RIMS1: variants seen among roughly 807,000 people sequenced by gnomAD.
RIMS1 encodes regulating synaptic membrane exocytosis 1.
Under a neutral mutation model 214.1 loss-of-function variants are expected in RIMS1, and 83 were observed. The observed-to-expected ratio is 0.39, with a 90% confidence interval of 0.32 to 0.47. RIMS1 has a LOEUF of 0.47. Ranked by LOEUF, RIMS1 falls within the 20% of genes least tolerant of loss-of-function variation. The pLI, the probability that RIMS1 is intolerant of heterozygous loss-of-function variation, is 0.99. For missense variants in RIMS1, 2,050 were observed against 2,161.8 expected (o/e 0.95, Z 1.03); for synonymous variants, 793 against 786.8 (o/e 1.01, Z -0.13).
At chr6:72,355,725 G>A (rs1005078461) in intron 29 of RIMS1, among the ~76,000 whole-genome samples, 1 of 151,996 alleles carries the variant, frequency 6.6e-6, no homozygotes, top group Non-Finnish European at 1.5e-5. Context: ...GTTTCCCAGT[G>A]GTTTATTGCT....
At chr6:72,352,507 C>T (rs1482680914) in intron 29 of RIMS1, among the ~76,000 whole-genome samples, 2 of 152,088 alleles carry the variant, frequency 1.3e-5, no homozygotes, top group Admixed American at 6.6e-5. Flanking sequence ...TATTAGCTAA[C>T]GTAATTCTAG....
At chr6:72,293,059 A>G (rs1027960818) in intron 26 of RIMS1, among the ~76,000 whole-genome samples, 3 of 152,036 alleles carry the variant, frequency 2.0e-5, no homozygotes, top group African/African-American at 7.2e-5. Flanking sequence ...CAGAAGGTAA[A>G]TGCATTGTTT....
At chr6:71,903,961 A>G (rs886736467) in intron 1 of RIMS1, among the ~76,000 whole-genome samples, 3 of 152,176 alleles carry the variant, frequency 2.0e-5, no homozygotes, top group Non-Finnish European at 4.4e-5. Flanking sequence ...ATAAATTGGC[A>G]TTCTTCCAAC....
At chr6:72,059,733 C>T (rs187056725) in intron 2 of RIMS1, among the ~76,000 whole-genome samples, 84 of 152,236 alleles carry the variant, frequency 5.5e-4, no homozygotes, top group Non-Finnish European at 1.0e-3. Context: ...AAACTGACAG[C>T]CCGTGAACTG....
chr6:71,910,204 G>T (rs532461986), intron 1 of RIMS1, among the ~76,000 whole-genome samples: 20 of 152,160 alleles, frequency 1.3e-4, no homozygotes, highest in Non-Finnish European at 2.1e-4. Context: ...TTAACGTAAT[G>T]TCTGTTAGAT....
intron 6 of RIMS1, among the ~76,000 whole-genome samples, chr6:72,185,192 A>G (rs533638928): frequency 1.3e-5 from 2 of 152,306 alleles, no homozygotes; most frequent in Admixed American, 1.3e-4. Context: ...GGCTCATTTG[A>G]CATAGTACTG....
At chr6:72,334,572 A>G (rs1344227097) in intron 29 of RIMS1, among the ~76,000 whole-genome samples, 2 of 151,944 alleles carry the variant, frequency 1.3e-5, no homozygotes, top group Non-Finnish European at 2.9e-5. Flanking sequence ...ACTATGCTCA[A>G]TACTATGTAA....
intron 26 of RIMS1, among the ~76,000 whole-genome samples, chr6:72,304,913 G>A (rs1409854141): frequency 6.6e-6 from 1 of 151,822 alleles, no homozygotes; most frequent in Non-Finnish European, 1.5e-5. Flanking sequence ...TGAGAGTCAG[G>A]GGAGTCTACT....
chr6:72,218,977 A>G (rs1291986538), intron 6 of RIMS1, among the ~76,000 whole-genome samples: 3 of 152,210 alleles, frequency 2.0e-5, no homozygotes, highest in African/African-American at 7.2e-5. Flanking sequence ...TTCAAGGAGA[A>G]TAGATATTTT....
Position 71,986,805 on chromosome 6 carries a change from G to C in RIMS1, c.245+17742G>C, listed in dbSNP as rs1195056859. 2.6e-5 allele frequency among the ~76,000 whole-genome samples: 4 copies of C among 152,242 alleles called. No homozygotes were observed. In the East Asian group the frequency reaches 7.7e-4, roughly 29 times the overall value. On this transcript the variant is annotated intron_variant, in intron 2 of 33. Transcript: ENST00000521978. ...CATTAGAATGAATATCAATCAGTTG[G>C]AATGGGCAATAGCCCAAGGGTGCTG...
chr6:72,193,352 C>T (rs2050360905), intron 6 of RIMS1, among the ~76,000 whole-genome samples: 1 of 152,180 alleles, frequency 6.6e-6, no homozygotes, highest in Admixed American at 6.5e-5. Flanking sequence ...ATAAAGACAA[C>T]CTGGTTCCTC....
chr6:72,125,767 A>G (rs12663497), intron 4 of RIMS1, among the ~76,000 whole-genome samples: 55,590 of 151,950 alleles, frequency 0.37, 11,134 homozygotes, highest in Non-Finnish European at 0.46. Context: ...AGTGAGCAAG[A>G]CTCTGTGGAC....
Position 72,182,645 on chromosome 6 carries a change from G to C in RIMS1, c.1174G>C (p.Asp392His), listed in dbSNP as rs766056557. Reference protein sequence around the residue: ...SRARHERRHSDVALPRTEAGA... With the variant: ...SRARHERRHSHVALPRTEAGA... ...CGCCAGGCACGAGCGGCGCCACAGC[G>C]ACGTGGCGCTCCCGCGCACCGAGGC... is the stretch of plus-strand genomic sequence containing the variant. The change falls in exon 6 of 34, where the codon GAC becomes CAC. Residue 392 changes from aspartate (D) to histidine (H), a missense_variant. Coordinates refer to ENST00000521978, the MANE Select transcript of RIMS1 (RefSeq NM_014989.7). 6.5e-7 allele frequency: 1 copy of C among 1,532,028 alleles called. No individual in the cohort carries two copies. The highest frequency in any genetic ancestry group is 1.2e-5 in the South Asian group (1 of 82,074). The allele number at this position is 1,532,028 out of a possible 1,614,324, so 94.9% of individuals were successfully genotyped here.
chr6:72,320,859 G>C (rs542617468), intron 28 of RIMS1, among the ~76,000 whole-genome samples: 3 of 151,718 alleles, frequency 2.0e-5, no homozygotes, highest in African/African-American at 7.2e-5. Flanking sequence ...TACTACTCTT[G>C]ATATATGTTC....
intron 19 of RIMS1, chr6:72,262,762 TATTTC>T: frequency 1.4e-6 from 1 of 737,310 alleles, no homozygotes; most frequent in Non-Finnish European, 1.7e-6. Context: ...GGACACTTAT[TATTTC>T]TATAACTATC....
chr6:72,325,664 A>G (rs1488422532), intron 28 of RIMS1, among the ~76,000 whole-genome samples: 1 of 151,858 alleles, frequency 6.6e-6, no homozygotes, highest in Non-Finnish European at 1.5e-5. Context: ...CAAAATGTGC[A>G]TAAGCCCTCA....
rs549055850 is a variant in RIMS1 at position 72,400,849 on chromosome 6, T to C, written c.*135T>C. The C allele has an allele frequency of 1.2e-4, 76 of 658,400 alleles. No individual in the cohort carries two copies. The highest frequency in any genetic ancestry group is 8.5e-4 in the Middle Eastern group (2 of 2,346). The allele number at this position is 658,400 out of a possible 1,614,324, so 40.8% of individuals were successfully genotyped here. A position where few individuals can be genotyped will look rare whatever the true frequency, so the allele number is the denominator to read the frequency against. On this transcript the variant is annotated 3_prime_UTR_variant, in exon 34 of 34. Coordinates refer to ENST00000521978, the MANE Select transcript of RIMS1 (RefSeq NM_014989.7). ...TTTGCCTGTAGTAGTTTTTCAATAA[T>C]ATGTCCCAATTGTTATTTAAAACAT...
At chr6:72,376,880 T>C (rs995405892) in intron 29 of RIMS1, among the ~76,000 whole-genome samples, 1 of 152,200 alleles carries the variant, frequency 6.6e-6, no homozygotes, top group Non-Finnish European at 1.5e-5. Flanking sequence ...AGACTTGTTC[T>C]AATGATAGTT....
intron 29 of RIMS1, among the ~76,000 whole-genome samples, chr6:72,336,143 G>A (rs2096836335): frequency 6.6e-6 from 1 of 151,838 alleles, no homozygotes; most frequent in African/African-American, 2.4e-5. Flanking sequence ...AAGTTTACAA[G>A]TTGGTTTTAC....
Sources: gnomAD v4.1 joint callset for allele counts (sites outside exome capture counted in the v4.1 genomes callset) on GRCh38, gnomAD v4.1.1 for gene constraint, MANE v1.5 for transcripts, NCBI Gene and HGNC (gene_info 2026-07-23, HGNC 2026-07-21) for gene names.